The following GANAB variants were observed in gnomAD, a reference collection of about 807,000 sequenced individuals.
The protein encoded by GANAB is neutral alpha-glucosidase AB.
GANAB carries 35 observed loss-of-function variants against 129.9 expected under a neutral mutation model. The ratio of observed to expected loss-of-function variants is 0.27; its 90% CI spans 0.21 to 0.36. The LOEUF is 0.36. Ranked by LOEUF, GANAB falls within the 10% of genes least tolerant of loss-of-function variation. GANAB has a pLI of 1.00. For synonymous variants in GANAB, 482 were observed against 451.8 expected, an observed-to-expected ratio of 1.07 and a Z score of -0.85; for missense variants, 939 against 1,221.0, an observed-to-expected ratio of 0.77 and a Z score of 3.44.
Position 62,626,398 on chromosome 11 carries a change from T to C in GANAB, c.2561A>G (p.Tyr854Cys). 3.1e-6 allele frequency: 5 copies of C among 1,613,810 alleles called. No individual in the cohort carries two copies. The highest frequency in any genetic ancestry group is 2.2e-5 in the East Asian group (1 of 44,880). Reference sequence around the variant, plus strand: ...CAGCAGGAACTCTTGGCGAGTCTGATAGTTGAACGTGTGCCCATCATCCAG... The same window carrying C: ...CAGCAGGAACTCTTGGCGAGTCTGACAGTTGAACGTGTGCCCATCATCCAG... The part of the protein sequence containing the change: ...LFLDDGHTFN[Y>C]QTRQEFLLRR... The change falls in exon 22 of 24, where the codon TAT (tyrosine) becomes TGT (cysteine). Residue 854 changes from tyrosine (Y) to cysteine (C), a missense_variant. Transcript: ENST00000356638.
Position 62,639,040 on chromosome 11 carries a change from G to C in GANAB, c.323C>G (p.Pro108Arg), listed in dbSNP as rs200232092. The stretch of plus-strand genomic sequence containing the variant: ...TGGTACACGGTATCGGGGTCGCCGA[G>C]GCTCCAGCTCATCAATCCTGAACCG... ...MTRFRIDELE[P>R]RRPRYRVPDV... is the part of the protein sequence containing the mutation. Residue 108 changes from proline to arginine, a missense_variant, in exon 4 of 24, where the codon CCT becomes CGT. Transcript: ENST00000356638. 2 of 1,613,928 alleles carry C rather than the reference G, an allele frequency of 1.2e-6. No homozygotes were observed. The highest frequency in any genetic ancestry group is 3.3e-5 in the Admixed American group (2 of 59,976).
At chr11:62,645,091 G>T (rs1389297192) in intron 1 of GANAB, among the ~76,000 whole-genome samples, 1 of 151,960 alleles carries the variant, frequency 6.6e-6, no homozygotes, top group African/African-American at 2.4e-5. Flanking sequence ...TAGGCACTGT[G>T]GTTTAATAGG....
Position 62,626,582 on chromosome 11 carries a change from G to C in GANAB, c.2500C>G (p.Leu834Val). 6.2e-7 allele frequency: 1 copy of C among 1,605,620 alleles called. No individual in the cohort carries two copies. The highest frequency in any genetic ancestry group is 8.5e-7 in the Non-Finnish European group (1 of 1,172,366). Residue 834 changes from leucine (L) to valine (V), a missense_variant, in exon 21 of 24, where the codon CTT becomes GTT. Physicochemically the swap from Leu to Val is conservative, Grantham distance 32. Coordinates refer to ENST00000356638, the MANE Select transcript of GANAB (RefSeq NM_198334.3). Reference sequence around the variant, plus strand: ...GCCTATGCACTTACCTGAGGGCTAAGTGCAACAAAGAGAGTGATGGGGTCA... The same window carrying C: ...GCCTATGCACTTACCTGAGGGCTAACTGCAACAAAGAGAGTGATGGGGTCA... ...KDDPITLFVA[L>V]SPQGTAQGEL...
In GANAB at chr11:62,633,462, G is replaced by A. The variant is rs746415845; in HGVS notation, c.613C>T (p.Pro205Ser). Residue 205 changes from proline (P) to serine (S), a missense_variant, in exon 6 of 24, where the codon CCC (proline) becomes TCC (serine). By Grantham distance (74) the Pro-to-Ser change is moderately conservative. Coordinates refer to ENST00000356638, the MANE Select transcript of GANAB (RefSeq NM_198334.3). ...CAACTTGCCTTGTCGCCATCCCTGG[G>A]TGTTTCCTCAGGCTGGGCCCCATCG... ...EGDGAQPEET[P>S]RDGDKPEETQ... The A allele has an allele frequency of 1.2e-6, 2 of 1,613,902 alleles. No homozygotes were observed. Among genetic ancestry groups the A allele is most frequent in the African/African-American group, 1.3e-5 (1 of 74,904 alleles).
intron 1 of GANAB, among the ~76,000 whole-genome samples, chr11:62,645,864 G>A (rs1055888649): frequency 2.0e-5 from 3 of 152,138 alleles, no homozygotes; most frequent in Admixed American, 6.6e-5. Flanking sequence ...CAGTATATCC[G>A]TTAGGTCCTA....
chr11:62,626,312 A>G, intron 22 of GANAB, 23 bp downstream of exon 22: 1 of 1,513,090 alleles, frequency 6.6e-7, no homozygotes, highest in Non-Finnish European at 9.2e-7. Flanking sequence ...AAGGCAGCCA[A>G]GGAAGAGTGG....
Position 62,633,433 on chromosome 11 carries a change from G to T in GANAB, c.630+12C>A. 1 of 1,613,034 alleles carries T rather than the reference G, an allele frequency of 6.2e-7. No individual in the cohort carries two copies. The highest frequency in any genetic ancestry group is 8.5e-7 in the Non-Finnish European group (1 of 1,179,400). ...AGCCCTATCCTCCAACCACCCACCC[G>T]CTCCAACTTGCCTTGTCGCCATCCC... On this transcript the variant is annotated intron_variant, in intron 6 of 23. Transcript: ENST00000356638.
chr11:62,637,149 T>C (rs1943981793), intron 4 of GANAB, among the ~76,000 whole-genome samples: 1 of 152,098 alleles, frequency 6.6e-6, no homozygotes, highest in Non-Finnish European at 1.5e-5. Flanking sequence ...CAACTAAATG[T>C]AATAACATAT....
rs752355932 is a variant in GANAB at position 62,629,005 on chromosome 11, C to T, written c.1944G>A (p.Val648=). Residue 648 remains valine (V), a synonymous_variant, in exon 17 of 24, where the codon GTG becomes GTA. Transcript: ENST00000356638. ...LVGLSFCGAD[V]GGFFKNPEPE... is the part of the protein sequence containing the mutation. ...GCTCTGGGTTTTTGAAGAAGCCACC[C>T]ACATCCGCTGGTAGAGGAGAGAGAG... 94 of 1,612,578 alleles carry T rather than the reference C, an allele frequency of 5.8e-5. No individual in the cohort carries two copies. The highest frequency in any genetic ancestry group is 7.6e-5 in the Non-Finnish European group (90 of 1,178,790).
chr11:62,642,007 A>C (rs964448800), intron 1 of GANAB, among the ~76,000 whole-genome samples: 18 of 151,452 alleles, frequency 1.2e-4, no homozygotes, highest in Non-Finnish European at 2.5e-4. Context: ...CCAGGCTGGC[A>C]AAGAGACCAG....
rs1271127375 is a variant in GANAB at position 62,631,079 on chromosome 11, C to A, written c.1101G>T (p.Leu367=). 6.2e-7 allele frequency: 1 copy of A among 1,610,942 alleles called. No individual in the cohort carries two copies. Among genetic ancestry groups the A allele is most frequent in the Non-Finnish European group, 8.5e-7 (1 of 1,177,364 alleles). ...AAACATCAGAGATGGAGGGCCCCAGCAGCAGGAAGACGTCAATGATGCCAG... is the reference window on the plus strand; with the variant it reads ...AAACATCAGAGATGGAGGGCCCCAGAAGCAGGAAGACGTCAATGATGCCAG... ...SETGIIDVFL[L]LGPSISDVFR... is the part of the protein sequence containing the mutation. Residue 367 remains leucine, a synonymous_variant, in exon 10 of 24, where the codon CTG becomes CTT. Transcript: ENST00000356638.
At chr11:62,635,570 AAC>A in intron 4 of GANAB, among the ~76,000 whole-genome samples, 1 of 126,966 alleles carries the variant, frequency 7.9e-6, no homozygotes, top group East Asian at 2.7e-4. Context: ...GAACTGAAAA[AAC>A]ATTTTCCATA....
intron 22 of GANAB, 22 bp downstream of exon 22, chr11:62,626,313 G>A (rs771167129): frequency 1.3e-6 from 2 of 1,517,380 alleles, no homozygotes; most frequent in Non-Finnish European, 1.8e-6. Flanking sequence ...AGGCAGCCAA[G>A]GAAGAGTGGG....
chr11:62,634,461 G>C, intron 5 of GANAB: 1 of 853,252 alleles, frequency 1.2e-6, no homozygotes, highest in Middle Eastern at 2.2e-4. Context: ...AGTTTCAGTC[G>C]ACAAACTTCC....
At chr11:62,631,283 T>C in intron 9 of GANAB, 100 bp from the exon 10 acceptor site, 1 of 1,171,500 alleles carries the variant, frequency 8.5e-7, no homozygotes, top group African/African-American at 1.5e-5. Context: ...CACACAGAGC[T>C]GGCTCATGTA....
chr11:62,632,753 CAA>C lies in GANAB; in HGVS notation c.816-10_816-9del, dbSNP rs780116164. 1 of 1,611,016 alleles carries C rather than the reference CAA, an allele frequency of 6.2e-7. No individual in the cohort carries two copies. Among genetic ancestry groups the C allele is most frequent in the Non-Finnish European group, 8.5e-7 (1 of 1,177,802 alleles). On this transcript the variant is annotated splice_polypyrimidine_tract_variant and intron_variant, in intron 8 of 23. Coordinates refer to ENST00000356638, the MANE Select transcript of GANAB (RefSeq NM_198334.3). ...CGATATGGCTCCCCACCCCTGCAGG[CAA>C]ACAGACAGACTTGGGCTGCTAACTG...
rs1943362776 is a variant in GANAB at position 62,626,142 on chromosome 11, A to G, written c.2648T>C (p.Phe883Ser). Reference sequence around the variant, plus strand: ...CCGCTCAATCCAGATTGGTGTCTCAAAGTGTCCTTCAGGGTCTGCTGAGCT... The same window carrying G: ...CCGCTCAATCCAGATTGGTGTCTCAGAGTGTCCTTCAGGGTCTGCTGAGCT... Reference protein sequence around the residue: ...VSSSADPEGHFETPIWIERVV... With the variant: ...VSSSADPEGHSETPIWIERVV... Residue 883 changes from phenylalanine (F) to serine (S), a missense_variant, in exon 23 of 24, where the codon TTT becomes TCT. By Grantham distance (155) the Phe-to-Ser change is radical. This residue lies in a region of GANAB where 230 missense variants were observed against 259.9 expected (regional missense o/e 0.89). Transcript: ENST00000356638. 6.2e-7 allele frequency: 1 copy of G among 1,613,428 alleles called. No individual in the cohort carries two copies. Among genetic ancestry groups the G allele is most frequent in the Non-Finnish European group, 8.5e-7 (1 of 1,179,378 alleles).
At chr11:62,630,999 G>A in intron 10 of GANAB, 31 bp downstream of exon 10, 2 of 1,583,712 alleles carry the variant, frequency 1.3e-6, no homozygotes, top group South Asian at 1.1e-5. Context: ...CAAGAAAAGA[G>A]CAGAAGAATG....
At position 62,631,152 on chromosome 11, in the gene GANAB, T is replaced by G; in HGVS notation, c.1028A>C (p.Gln343Pro). The G allele has an allele frequency of 6.3e-7, 1 of 1,598,376 alleles. No individual in the cohort carries two copies. The highest frequency in any genetic ancestry group is 2.3e-5 in the East Asian group (1 of 44,338). Residue 343 changes from glutamine to proline, a missense_variant, in exon 10 of 24, where the codon CAG becomes CCG. By Grantham distance (76) the Gln-to-Pro change is moderately conservative (BLOSUM62 -1). Transcript: ENST00000356638. ...TGTCTGTGGGGTCTCCCCAGAGCCC[T>G]GCAGGTAGTCCATCATCTTCCCAAA... ...TLFGKMMDYL[Q>P]GSGETPQTDV... is the part of the protein sequence containing the mutation.
Sources: gnomAD v4.1 joint callset for allele counts (sites outside exome capture counted in the v4.1 genomes callset) on GRCh38, gnomAD v4.1.1 for gene constraint, gnomAD v4.1.1 regional missense constraint, MANE v1.5 for transcripts, NCBI Gene and HGNC (gene_info 2026-07-23, HGNC 2026-07-21) for gene names.